The following STMN2 variants were observed in gnomAD, a reference collection of about 807,000 sequenced individuals.
STMN2 encodes stathmin-2.
In STMN2, 2 loss-of-function variants were observed where a neutral mutation model predicts 24.1. The ratio of observed to expected loss-of-function variants is 0.08; its 90% CI spans 0.03 to 0.26. The LOEUF is 0.26. Among genes scored for constraint, STMN2 ranks in the 10% least tolerant of loss-of-function variants. The pLI is 1.00. For missense variants in STMN2, 114 were observed against 213.6 expected, an observed-to-expected ratio of 0.53 and a Z score of 2.91; for synonymous variants, 83 against 77.5, an observed-to-expected ratio of 1.07 and a Z score of -0.37.
intron 1 of STMN2, among the ~76,000 whole-genome samples, chr8:79,617,789 A>G (rs1249746394): frequency 6.6e-6 from 1 of 152,216 alleles, no homozygotes; most frequent in Non-Finnish European, 1.5e-5. Flanking sequence ...TTTCTGGTGT[A>G]TTCATAAATT....
At chr8:79,634,784 T>A (rs1809902988) in intron 1 of STMN2, among the ~76,000 whole-genome samples, 1 of 152,138 alleles carries the variant, frequency 6.6e-6, no homozygotes, top group African/African-American at 2.4e-5. Flanking sequence ...AGGGGTTGAA[T>A]ATGTTTCTTT....
intron 1 of STMN2, among the ~76,000 whole-genome samples, chr8:79,630,044 A>G (rs1809762783): frequency 6.6e-6 from 1 of 152,174 alleles, no homozygotes; most frequent in South Asian, 2.1e-4. Context: ...TATAACTAAT[A>G]GGTTTGTGGT....
At chr8:79,628,684 G>C (rs887570221) in intron 1 of STMN2, among the ~76,000 whole-genome samples, 2 of 152,036 alleles carry the variant, frequency 1.3e-5, no homozygotes, top group African/African-American at 4.8e-5. Context: ...TCATATAACT[G>C]CTGGACATTA....
In STMN2 at chr8:79,664,919, G is replaced by T; in HGVS notation, c.*45G>T. The T allele has an allele frequency of 6.3e-7, 1 of 1,585,520 alleles. No individual in the cohort carries two copies. The highest frequency in any genetic ancestry group is 1.1e-5 in the South Asian group (1 of 88,980). On this transcript the variant is annotated 3_prime_UTR_variant, in exon 5 of 5. Coordinates refer to ENST00000220876, the MANE Select transcript of STMN2 (RefSeq NM_007029.4). ...CGCCCCACCAATAGTAAATCCCCCTGCCTATATTATAATGGATCATGCGAT... is the reference window on the plus strand; with the variant it reads ...CGCCCCACCAATAGTAAATCCCCCTTCCTATATTATAATGGATCATGCGAT...
At chr8:79,627,729 T>C (rs958634011) in intron 1 of STMN2, among the ~76,000 whole-genome samples, 8 of 136,322 alleles carry the variant, frequency 5.9e-5, no homozygotes, top group Non-Finnish European at 9.4e-5. Flanking sequence ...AAAGAAATTA[T>C]TCATTCTATC....
intron 4 of STMN2, among the ~76,000 whole-genome samples, chr8:79,660,018 G>T (rs1806469445): frequency 6.6e-6 from 1 of 152,254 alleles, no homozygotes; most frequent in South Asian, 2.1e-4. Flanking sequence ...AATTAAATTA[G>T]ATAGTTAAAT....
In STMN2 at chr8:79,621,055, C is replaced by T. The variant is rs1197377166; in HGVS notation, c.19+9841C>T. 3 of 982,094 alleles carry T rather than the reference C, an allele frequency of 3.1e-6. No individual in the cohort carries two copies. The African/African-American group carries it at 5.2e-5, about 17-fold the overall frequency. 60.8% of individuals were successfully genotyped at this position (982,094 alleles called of 1,614,324 possible). The stretch of plus-strand genomic sequence containing the variant: ...CAACAAGGCGTCAAGAGGTCAGAGT[C>T]TAAGTCCCCATCAGCTCTGCCCTTC... On this transcript the variant is annotated intron_variant, in intron 1 of 4. Coordinates refer to ENST00000220876, the MANE Select transcript of STMN2 (RefSeq NM_007029.4).
At chr8:79,614,539 G>A (rs949651782) in intron 1 of STMN2, among the ~76,000 whole-genome samples, 2 of 152,236 alleles carry the variant, frequency 1.3e-5, no homozygotes, top group African/African-American at 4.8e-5. Flanking sequence ...CTCTGTCCCA[G>A]TGTAACACGT....
chr8:79,652,254 A>C (rs766968997), intron 3 of STMN2, among the ~76,000 whole-genome samples: 38 of 152,164 alleles, frequency 2.5e-4, no homozygotes, highest in Non-Finnish European at 4.7e-4. Flanking sequence ...CCAATTCCTA[A>C]TTCTTGGACA....
At chr8:79,617,168 T>G (rs1809400666) in intron 1 of STMN2, among the ~76,000 whole-genome samples, 1 of 152,244 alleles carries the variant, frequency 6.6e-6, no homozygotes, top group Non-Finnish European at 1.5e-5. Flanking sequence ...GAGTGTTTTC[T>G]TCTGCTTATC....
intron 3 of STMN2, among the ~76,000 whole-genome samples, chr8:79,651,521 T>C (rs779787435): frequency 5.9e-5 from 9 of 152,186 alleles, no homozygotes; most frequent in Admixed American, 1.3e-4. Flanking sequence ...TATGGAAAAG[T>C]GGTGTTGCTG....
At chr8:79,647,774 C>T (rs35931444) in intron 3 of STMN2, among the ~76,000 whole-genome samples, 1,727 of 152,350 alleles carry the variant, frequency 0.011, 11 homozygotes, top group Non-Finnish European at 0.017. Context: ...ATGATCATCT[C>T]TATGAGTCTA....
intron 3 of STMN2, 38 bp from the exon 4 acceptor site, chr8:79,654,833 T>C: frequency 1.3e-6 from 2 of 1,595,682 alleles, no homozygotes; most frequent in Non-Finnish European, 1.7e-6. Flanking sequence ...AGGTTTGTGT[T>C]TGGATAATTA....
chr8:79,653,321 G>T (rs540339319), intron 3 of STMN2, among the ~76,000 whole-genome samples: 1 of 152,156 alleles, frequency 6.6e-6, no homozygotes, highest in Admixed American at 6.5e-5. Flanking sequence ...AGATTACAGT[G>T]AGCAGAGATC....
chr8:79,616,222 T>G (rs1316087942), intron 1 of STMN2, among the ~76,000 whole-genome samples: 1 of 152,186 alleles, frequency 6.6e-6, no homozygotes, highest in Non-Finnish European at 1.5e-5. Context: ...TTAAATCTAA[T>G]CCAATGTGAT....
intron 1 of STMN2, among the ~76,000 whole-genome samples, chr8:79,623,485 A>C (rs1311502004): frequency 6.6e-6 from 1 of 152,208 alleles, no homozygotes; most frequent in Non-Finnish European, 1.5e-5. Flanking sequence ...TGGTACATAA[A>C]TTAGGAATTA....
At chr8:79,644,319 A>G (rs960783647) in intron 3 of STMN2, among the ~76,000 whole-genome samples, 2 of 152,240 alleles carry the variant, frequency 1.3e-5, no homozygotes, top group Admixed American at 6.5e-5. Flanking sequence ...CTCTTCCTGC[A>G]TTTAACTGGT....
At chr8:79,664,688 C>CTTCT in intron 4 of STMN2, 127 bp from the exon 5 acceptor site, 1 of 673,354 alleles carries the variant, frequency 1.5e-6, no homozygotes, top group Non-Finnish European at 2.3e-6. Context: ...CCCATATTTT[C>CTTCT]CTTCTGAAAT....
rs1010176919 is a variant in STMN2, at chr8:79,627,222, G to A, written c.20-9580G>A. On this transcript the variant is annotated intron_variant, in intron 1 of 4. Transcript: ENST00000220876. ...AAATAGGACATAAAGGGGAGCCAAC[G>A]TGTGCCTTCATTTATAATGTATTCC... is the stretch of plus-strand genomic sequence containing the variant. Among the ~76,000 whole-genome samples, 12 of 152,274 alleles carry A rather than the reference G, an allele frequency of 7.9e-5. 1 individual carries two copies. The highest frequency in any genetic ancestry group is 2.0e-4 in the Admixed American group (3 of 15,292).
Sources: allele counts gnomAD v4.1 joint callset (sites outside exome capture counted in the v4.1 genomes callset), GRCh38; gene constraint gnomAD v4.1.1; transcripts MANE v1.5; gene names NCBI Gene and HGNC (gene_info 2026-07-23, HGNC 2026-07-21).